The following KHDRBS2 variants were observed in gnomAD, a reference collection of about 807,000 sequenced individuals.
KHDRBS2 encodes KH domain-containing, RNA-binding, signal transduction-associated protein 2.
In KHDRBS2, 26 loss-of-function variants were observed where a neutral mutation model predicts 44.3. The ratio of observed to expected loss-of-function variants is 0.59; its 90% confidence interval spans 0.43 to 0.81. The LOEUF is 0.81. KHDRBS2 is among the 40% of genes least tolerant of loss of function. KHDRBS2 has a pLI of 0.00. For synonymous variants in KHDRBS2, 194 were observed against 151.1 expected (o/e 1.28, Z -2.08); for missense variants, 476 against 433.1 (o/e 1.10, Z -0.88).
chr6:61,792,178 G>A (rs1377058397), intron 6 of KHDRBS2, among the ~76,000 whole-genome samples: 15 of 151,414 alleles, frequency 9.9e-5, no homozygotes, highest in South Asian at 4.2e-4. Context: ...TACCTACTTC[G>A]TAAAAAATAA....
At chr6:61,992,073 C>G (rs1776246382) in intron 3 of KHDRBS2, among the ~76,000 whole-genome samples, 1 of 152,116 alleles carries the variant, frequency 6.6e-6, no homozygotes, top group African/African-American at 2.4e-5. Flanking sequence ...GAAAGGGCAT[C>G]CAAATTTACA....
intron 3 of KHDRBS2, among the ~76,000 whole-genome samples, chr6:61,985,794 C>T (rs901205522): frequency 2.0e-5 from 3 of 152,136 alleles, no homozygotes; most frequent in African/African-American, 7.2e-5. Flanking sequence ...CCTTCACGGG[C>T]ATCCTGATAC....
At chr6:61,559,851 C>A in the KHDRBS2 span, among the ~76,000 whole-genome samples, 2 of 152,102 alleles carry the variant, frequency 1.3e-5, no homozygotes, top group African/African-American at 4.8e-5. Context: ...GTTTACATAC[C>A]ACAATTTCAA....
chr6:61,922,012 C>T (rs745980690), intron 4 of KHDRBS2, among the ~76,000 whole-genome samples: 4 of 151,740 alleles, frequency 2.6e-5, no homozygotes, highest in South Asian at 2.1e-4. Context: ...ACATCCATAT[C>T]GTTAAAAAAT....
intron 6 of KHDRBS2, among the ~76,000 whole-genome samples, chr6:61,753,374 T>C (rs1778022287): frequency 6.6e-6 from 1 of 152,152 alleles, no homozygotes. Context: ...GTCACAGGAC[T>C]TGACCGGTGG....
At chr6:62,277,617 C>A (rs889451428) in intron 1 of KHDRBS2, among the ~76,000 whole-genome samples, 3 of 152,164 alleles carry the variant, frequency 2.0e-5, no homozygotes, top group African/African-American at 7.2e-5. Flanking sequence ...GCTGGGATTA[C>A]AAGCGTGAGC....
At chr6:62,179,087 T>G (rs1009653017) in intron 1 of KHDRBS2, among the ~76,000 whole-genome samples, 6 of 151,560 alleles carry the variant, frequency 4.0e-5, no homozygotes, top group Non-Finnish European at 5.9e-5. Context: ...TAAAGAAAAA[T>G]TCCTAAAACA....
At chr6:61,722,240 C>CT (rs1378257228) in intron 7 of KHDRBS2, among the ~76,000 whole-genome samples, 14 of 152,074 alleles carry the variant, frequency 9.2e-5, no homozygotes, top group Non-Finnish European at 2.1e-4. Context: ...CTAAAATTCT[C>CT]TTTTTTGGTT....
chr6:62,042,787 T>A (rs1786819597), intron 3 of KHDRBS2, among the ~76,000 whole-genome samples: 1 of 152,058 alleles, frequency 6.6e-6, no homozygotes, highest in African/African-American at 2.4e-5. Context: ...GAAGAAATAT[T>A]CTAGAATAGA....
intron 6 of KHDRBS2, among the ~76,000 whole-genome samples, chr6:61,825,494 T>C (rs1213197218): frequency 6.6e-6 from 1 of 152,194 alleles, no homozygotes; most frequent in Non-Finnish European, 1.5e-5. Context: ...TAAATATTTT[T>C]TGTAGTTAGT....
chr6:61,625,573 G>A, the KHDRBS2 span, among the ~76,000 whole-genome samples: 3 of 151,968 alleles, frequency 2.0e-5, no homozygotes, highest in East Asian at 3.9e-4. Context: ...CTAGGGCCAG[G>A]CAATTCCTGC....
chr6:61,647,009 G>C, the KHDRBS2 span, among the ~76,000 whole-genome samples: 24 of 151,964 alleles, frequency 1.6e-4, no homozygotes, highest in East Asian at 4.7e-3. Context: ...TATAGAGATG[G>C]GGTTTCACCA....
chr6:61,672,410 G>C, the KHDRBS2 span, among the ~76,000 whole-genome samples: 5 of 151,990 alleles, frequency 3.3e-5, no homozygotes, highest in African/African-American at 1.2e-4. Flanking sequence ...AGATCCCTGA[G>C]GAATCACCAC....
At position 61,711,694 on chromosome 6, in the gene KHDRBS2, A is replaced by T. The variant is rs1478537430; in HGVS notation, c.894-14441T>A. Among the ~76,000 whole-genome samples the T allele has an allele frequency of 4.6e-5, 7 of 151,822 alleles. No individual in the cohort carries two copies. The East Asian group carries it at 1.4e-3, about 30-fold the overall frequency. On this transcript the variant is annotated intron_variant, in intron 7 of 8. Transcript: ENST00000281156. ...TTTTGTGCCAGTCAACTCTCATCTG[A>T]TATATCTCAAGATCACTGAGCCCAA...
chr6:61,849,258 G>A (rs1198067335), intron 6 of KHDRBS2, among the ~76,000 whole-genome samples: 2 of 152,062 alleles, frequency 1.3e-5, no homozygotes, highest in East Asian at 3.9e-4. Context: ...TAATATCACT[G>A]GTTCTCTAAT....
intron 4 of KHDRBS2, among the ~76,000 whole-genome samples, chr6:61,950,959 T>C (rs1231845681): frequency 6.6e-6 from 1 of 152,086 alleles, no homozygotes; most frequent in African/African-American, 2.4e-5. Flanking sequence ...CAGGCATACA[T>C]AAATGCTGAG....
chr6:61,738,663 G>A (rs1775735369), intron 6 of KHDRBS2, among the ~76,000 whole-genome samples: 1 of 143,794 alleles, frequency 7.0e-6, no homozygotes, highest in Non-Finnish European at 1.5e-5. Flanking sequence ...GGACAAATAC[G>A]TGTGTGTTAC....
chr6:61,544,208 C>T, the KHDRBS2 span, among the ~76,000 whole-genome samples: 2 of 151,930 alleles, frequency 1.3e-5, no homozygotes, highest in African/African-American at 4.8e-5. Flanking sequence ...ATCAAAATAT[C>T]TCATGTTCTC....
chr6:61,899,502 A>T (rs1226619920), intron 5 of KHDRBS2, among the ~76,000 whole-genome samples: 2 of 151,866 alleles, frequency 1.3e-5, no homozygotes, highest in Non-Finnish European at 2.9e-5. Context: ...TTTCAATCAA[A>T]TTTTTCTTCT....
Sources: gnomAD v4.1 joint callset for allele counts (sites outside exome capture counted in the v4.1 genomes callset) on GRCh38, gnomAD v4.1.1 for gene constraint, MANE v1.5 for transcripts, NCBI Gene and HGNC (gene_info 2026-07-23, HGNC 2026-07-21) for gene names.